Variants in MICAL3 observed in about 807,000 individuals in gnomAD.
MICAL3 encodes [F-actin]-monooxygenase MICAL3.
In MICAL3, 62 loss-of-function variants were observed where a neutral mutation model predicts 207.4. The ratio of observed to expected loss-of-function variants is 0.30; its 90% CI spans 0.24 to 0.37. The LOEUF (loss-of-function observed/expected upper bound fraction) is 0.37, where lower values mean the gene tolerates loss of function less well. Ranked by LOEUF, MICAL3 falls within the 10% of genes least tolerant of loss-of-function variation. The probability of loss-of-function intolerance (pLI) is 1.00; values close to 1 mark genes in which losing one functional copy is unlikely to be tolerated. For synonymous variants in MICAL3, 1,077 were observed against 1,069.3 expected (o/e 1.01, Z -0.14); for missense variants, 2,368 against 2,635.6 (o/e 0.90, Z 2.22).
intron 1 of MICAL3, among the ~76,000 whole-genome samples, chr22:17,944,120 G>T (rs1393711926): frequency 2.0e-5 from 3 of 152,178 alleles, no homozygotes; most frequent in African/African-American, 7.2e-5. Context: ...GCATGTGTGT[G>T]TGTGTTTTCA....
intron 16 of MICAL3, among the ~76,000 whole-genome samples, chr22:17,877,351 GGGAGGTTAT>G (rs201912562): frequency 1.0e-3 from 25 of 24,002 alleles, no homozygotes; most frequent in Admixed American, 1.8e-3. Context: ...AGGGAGGTTA[GGGAGGTTAT>G]GGAGGTTAGG....
chr22:17,867,692 G>A (rs988273035), intron 17 of MICAL3, among the ~76,000 whole-genome samples: 11 of 152,174 alleles, frequency 7.2e-5, no homozygotes, highest in South Asian at 2.1e-4. Flanking sequence ...CGCTGGAGAC[G>A]TTATGGGGAT....
chr22:18,014,232 T>C (rs1316570392), intron 1 of MICAL3, among the ~76,000 whole-genome samples: 1 of 152,130 alleles, frequency 6.6e-6, no homozygotes, highest in Non-Finnish European at 1.5e-5. Flanking sequence ...TACAATCGAA[T>C]TCTCCCATCC....
At chr22:17,811,672 G>A (rs543592439) in intron 27 of MICAL3, among the ~76,000 whole-genome samples, 4 of 152,358 alleles carry the variant, frequency 2.6e-5, no homozygotes, top group African/African-American at 9.6e-5. Context: ...GGCAACAAGA[G>A]GGGCAAAGAT....
At chr22:17,843,780 G>C (rs1285596461) in intron 19 of MICAL3, among the ~76,000 whole-genome samples, 1 of 152,236 alleles carries the variant, frequency 6.6e-6, no homozygotes, top group Admixed American at 6.5e-5. Flanking sequence ...AGGCTCTGGA[G>C]AGCGAACAGT....
chr22:17,946,995 T>C (rs546946141), intron 1 of MICAL3, among the ~76,000 whole-genome samples: 1 of 152,286 alleles, frequency 6.6e-6, no homozygotes, highest in African/African-American at 2.4e-5. Flanking sequence ...TCAAAGAGTA[T>C]GGACTGAGGA....
rs2061846494 is a variant in MICAL3, at chr22:17,793,498, C to T, written c.5651-2197G>A. 6.6e-6 allele frequency among the ~76,000 whole-genome samples: 1 copy of T among 152,226 alleles called. No homozygotes were observed. The highest frequency in any genetic ancestry group is 2.4e-5 in the African/African-American group (1 of 41,456). On this transcript the variant is annotated intron_variant, in intron 29 of 31. Transcript: ENST00000441493. This position sits in a 1 kb window ranked among gnomAD's most constrained non-coding sequence, Gnocchi z 4.1. Reference sequence around the variant, plus strand: ...GCCAATGCTGCAGCCCTGAAGGACCCAGACCTGGAGGCTCTCTGGCTTTAC... The same window carrying T: ...GCCAATGCTGCAGCCCTGAAGGACCTAGACCTGGAGGCTCTCTGGCTTTAC...
chr22:17,895,558 GC>G, intron 9 of MICAL3, 148 bp from the exon 10 acceptor site: 2 of 902,058 alleles, frequency 2.2e-6, no homozygotes, highest in Middle Eastern at 3.5e-4. Flanking sequence ...TCCTACGTCA[GC>G]CCCTGCTCCC....
At chr22:17,795,113 C>G (rs1372498867) in intron 29 of MICAL3, among the ~76,000 whole-genome samples, 2 of 152,234 alleles carry the variant, frequency 1.3e-5, no homozygotes, top group African/African-American at 2.4e-5. Flanking sequence ...CTATTGGGTA[C>G]AACTTCAAAA....
rs1186339884 is a variant in MICAL3, at chr22:17,900,548, G to A, written c.847+294C>T. ...GCCCAGGAGTTCGAGGCTGCAGTGAGCCGAGATCACGCCACTGAACTCCAG... is the reference window on the plus strand; with the variant it reads ...GCCCAGGAGTTCGAGGCTGCAGTGAACCGAGATCACGCCACTGAACTCCAG... On this transcript the variant is annotated intron_variant, in intron 6 of 31. Coordinates refer to ENST00000441493, the MANE Select transcript of MICAL3 (RefSeq NM_015241.3). The surrounding 1 kb of genome is among the most constrained non-coding windows in gnomAD (Gnocchi z 4.0). Among the ~76,000 whole-genome samples the A allele has an allele frequency of 6.6e-6, 1 of 152,158 alleles. No individual in the cohort carries two copies. Among genetic ancestry groups the A allele is most frequent in the Non-Finnish European group, 1.5e-5 (1 of 68,020 alleles).
At chr22:17,967,486 A>ACACACACACCCC (rs147100307) in intron 1 of MICAL3, among the ~76,000 whole-genome samples, 55 of 145,708 alleles carry the variant, frequency 3.8e-4, no homozygotes, top group Middle Eastern at 3.6e-3. Context: ...ACACACACAC[A>ACACACACACCCC]CACACACCCA....
chr22:17,961,794 G>C (rs1244331836), intron 1 of MICAL3, among the ~76,000 whole-genome samples: 1 of 152,122 alleles, frequency 6.6e-6, no homozygotes, highest in Admixed American at 6.6e-5. Flanking sequence ...TCCAAGGCAG[G>C]CCCACCCCAC....
At chr22:18,017,388 T>A (rs409806) in intron 1 of MICAL3, among the ~76,000 whole-genome samples, 69,000 of 151,226 alleles carry the variant, frequency 0.46, 18,283 homozygotes, top group African/African-American at 0.75. Flanking sequence ...TAATTTTTTT[T>A]ATTTTTTTAG....
At position 17,874,922 on chromosome 22, in the gene MICAL3, A is replaced by G. The variant is rs935938181; in HGVS notation, c.2242-2899T>C. 2.6e-5 allele frequency among the ~76,000 whole-genome samples: 4 copies of G among 152,190 alleles called. No individual in the cohort carries two copies. In the East Asian group the frequency reaches 7.7e-4, roughly 29 times the overall value. Reference sequence around the variant, plus strand: ...TGGCGTCAACTCAGGCATGGGAAATACCAGTAGGAGTGGCAAAGAGACCTT... The same window carrying G: ...TGGCGTCAACTCAGGCATGGGAAATGCCAGTAGGAGTGGCAAAGAGACCTT... On this transcript the variant is annotated intron_variant, in intron 16 of 31. Transcript: ENST00000441493.
At chr22:17,888,721 C>A (rs975418178) in intron 13 of MICAL3, among the ~76,000 whole-genome samples, 1 of 152,152 alleles carries the variant, frequency 6.6e-6, no homozygotes, top group African/African-American at 2.4e-5. Flanking sequence ...CAAGCACAAG[C>A]CACTTCTTCA....
intron 19 of MICAL3, chr22:17,860,205 TA>T (rs954223074): frequency 6.2e-4 from 574 of 933,158 alleles, no homozygotes; most frequent in Admixed American, 1.2e-3. Context: ...TAACATTTGT[TA>T]AAAAAAAAAT....
At chr22:17,901,490 G>A (rs1602182062) in intron 5 of MICAL3, among the ~76,000 whole-genome samples, 1 of 151,976 alleles carries the variant, frequency 6.6e-6, no homozygotes, top group South Asian at 2.1e-4. Flanking sequence ...GCAACATGGC[G>A]AAAACCCAAT....
chr22:17,965,298 C>T (rs980163355), intron 1 of MICAL3, among the ~76,000 whole-genome samples: 1 of 152,096 alleles, frequency 6.6e-6, no homozygotes, highest in Non-Finnish European at 1.5e-5. Flanking sequence ...GCAATAATAC[C>T]CGGAACCCCT....
chr22:17,980,183 G>A (rs1935844962), intron 1 of MICAL3, among the ~76,000 whole-genome samples: 1 of 152,164 alleles, frequency 6.6e-6, no homozygotes, highest in Non-Finnish European at 1.5e-5. Flanking sequence ...ACAGGAGGAA[G>A]CATGGGATGT....
Sources: allele counts gnomAD v4.1 joint callset (sites outside exome capture counted in the v4.1 genomes callset), GRCh38; gene constraint gnomAD v4.1.1; non-coding constraint Gnocchi (gnomAD v3.1); transcripts MANE v1.5; gene names NCBI Gene and HGNC (gene_info 2026-07-23, HGNC 2026-07-21).